Variants in ACER3 observed in about 807,000 individuals in gnomAD.
ACER3 encodes alkaline ceramidase 3.
A neutral mutation model predicts 48.9 loss-of-function variants in ACER3; 16 were observed. That is an observed-to-expected ratio of 0.33 (90% CI 0.22 to 0.50). ACER3 has a LOEUF of 0.50. Among genes scored for constraint, ACER3 ranks in the 20% least tolerant of loss-of-function variants. The probability of loss-of-function intolerance (pLI) is 0.98; values close to 1 mark genes in which losing one functional copy is unlikely to be tolerated. For missense variants in ACER3, 227 were observed against 326.0 expected, an observed-to-expected ratio of 0.70 and a Z score of 2.34; for synonymous variants, 109 against 107.8, an observed-to-expected ratio of 1.01 and a Z score of -0.07.
chr11:76,899,404 G>A (rs1362964420), intron 1 of ACER3, among the ~76,000 whole-genome samples: 1 of 152,064 alleles, frequency 6.6e-6, no homozygotes, highest in Non-Finnish European at 1.5e-5. Context: ...CATGCTTTTT[G>A]TTGTCTTCTG....
intron 2 of ACER3, among the ~76,000 whole-genome samples, chr11:76,929,168 G>A (rs1393308224): frequency 6.6e-6 from 1 of 152,014 alleles, no homozygotes; most frequent in Admixed American, 6.6e-5. Context: ...CCTTGAAGAC[G>A]TCCTTCACAT....
Position 77,016,670 on chromosome 11 carries a change from C to T in ACER3, c.600-5C>T. 1 of 1,516,218 alleles carries T rather than the reference C, an allele frequency of 6.6e-7. No homozygotes were observed. The highest frequency in any genetic ancestry group is 1.2e-5 in the South Asian group (1 of 82,716). The allele number at this position is 1,516,218 out of a possible 1,614,324, so 93.9% of individuals were successfully genotyped here. On this transcript the variant is annotated splice_polypyrimidine_tract_variant and splice_region_variant and intron_variant, in intron 8 of 10. Transcript: ENST00000532485. ...TAACGTGATTTTCTCCCTCTCTCCACACAGGAACTTTCGAAAGAAGGTACC... is the reference window on the plus strand; with the variant it reads ...TAACGTGATTTTCTCCCTCTCTCCATACAGGAACTTTCGAAAGAAGGTACC...
At chr11:76,883,478 T>A (rs968076190) in intron 1 of ACER3, among the ~76,000 whole-genome samples, 6 of 136,650 alleles carry the variant, frequency 4.4e-5, no homozygotes, top group African/African-American at 1.3e-4. Flanking sequence ...TCTCACTCTG[T>A]CGCCCAGGCT....
chr11:76,923,473 G>C (rs1946738734), intron 1 of ACER3, among the ~76,000 whole-genome samples: 1 of 152,118 alleles, frequency 6.6e-6, no homozygotes, highest in Non-Finnish European at 1.5e-5. Context: ...GTTGGTTCCA[G>C]TTGATTATTT....
At chr11:76,957,393 A>G in intron 2 of ACER3, 1 of 389,210 alleles carries the variant, frequency 2.6e-6, no homozygotes. Flanking sequence ...ATTGAAGCAC[A>G]GAATTATTGA....
intron 1 of ACER3, among the ~76,000 whole-genome samples, chr11:76,914,256 C>T (rs556718306): frequency 3.3e-4 from 50 of 152,260 alleles, no homozygotes; most frequent in African/African-American, 1.1e-3. Flanking sequence ...TCAGAGTGAA[C>T]AGGCAACCTA....
intron 3 of ACER3, among the ~76,000 whole-genome samples, 179 bp from the exon 4 acceptor site, chr11:76,976,110 C>T (rs1397486369): frequency 6.6e-6 from 1 of 152,070 alleles, no homozygotes; most frequent in Non-Finnish European, 1.5e-5. Context: ...TGATCTCAAA[C>T]ACCTAAGTTC....
intron 1 of ACER3, among the ~76,000 whole-genome samples, chr11:76,884,940 A>G (rs1171169265): frequency 1.3e-5 from 2 of 151,634 alleles, no homozygotes; most frequent in Non-Finnish European, 2.9e-5. Context: ...ATTTTTTTGT[A>G]TTTTTAGTAC....
At position 76,880,230 on chromosome 11, in the gene ACER3, G is replaced by A. The variant is rs111545347; in HGVS notation, c.103+19151G>A. ...TATTCCTTTTTTAGTTTCATGAGAC[G>A]GAAGCTTAAAACACTGATTTTAGAT... On this transcript the variant is annotated intron_variant, in intron 1 of 10. Coordinates refer to ENST00000532485, the MANE Select transcript of ACER3 (RefSeq NM_018367.7). 5.3e-4 allele frequency among the ~76,000 whole-genome samples: 81 copies of A among 151,772 alleles called. 1 individual carries two copies. The highest frequency in any genetic ancestry group is 1.9e-3 in the African/African-American group (78 of 41,288).
At chr11:76,934,627 T>C (rs1947123029) in intron 2 of ACER3, among the ~76,000 whole-genome samples, 1 of 140,392 alleles carries the variant, frequency 7.1e-6, no homozygotes, top group Non-Finnish European at 1.6e-5. Flanking sequence ...TGAGCCGAGA[T>C]GGCAGCAGTA....
intron 1 of ACER3, among the ~76,000 whole-genome samples, chr11:76,914,020 C>A (rs1946456900): frequency 6.6e-6 from 1 of 152,162 alleles, no homozygotes; most frequent in Non-Finnish European, 1.5e-5. Context: ...AACTGGATCC[C>A]TTCCTTACTC....
intron 1 of ACER3, among the ~76,000 whole-genome samples, chr11:76,924,078 A>G (rs1052175113): frequency 2.6e-5 from 4 of 152,048 alleles, no homozygotes; most frequent in African/African-American, 9.7e-5. Flanking sequence ...GAGCCTGCCA[A>G]GGTCCCGCTG....
At chr11:77,004,614 A>G (rs902946063) in intron 7 of ACER3, among the ~76,000 whole-genome samples, 1 of 152,236 alleles carries the variant, frequency 6.6e-6, no homozygotes, top group Admixed American at 6.5e-5. Context: ...ACAGACATTT[A>G]GAACTGCTGT....
At chr11:76,970,338 A>G (rs1948264836) in intron 3 of ACER3, among the ~76,000 whole-genome samples, 1 of 152,162 alleles carries the variant, frequency 6.6e-6, no homozygotes, top group Non-Finnish European at 1.5e-5. Flanking sequence ...AAATGTCATC[A>G]CTTCTCTGAT....
At chr11:76,920,318 T>C (rs1352410896) in intron 1 of ACER3, among the ~76,000 whole-genome samples, 1 of 152,184 alleles carries the variant, frequency 6.6e-6, no homozygotes, top group Non-Finnish European at 1.5e-5. Flanking sequence ...GCTGGCACCC[T>C]AGAGGGCAGA....
At chr11:76,897,547 TAAAA>T (rs36120118) in intron 1 of ACER3, among the ~76,000 whole-genome samples, 1 of 151,520 alleles carries the variant, frequency 6.6e-6, no homozygotes, top group Non-Finnish European at 1.5e-5. Flanking sequence ...TATGTAATAT[TAAAA>T]AAAAACACGT....
chr11:76,915,472 C>T (rs550883811), intron 1 of ACER3, among the ~76,000 whole-genome samples: 1 of 151,956 alleles, frequency 6.6e-6, no homozygotes, highest in East Asian at 1.9e-4. Context: ...ATTTTTGTCT[C>T]GATGTTAACA....
At chr11:77,014,663 C>A (rs1565229025) in intron 7 of ACER3, among the ~76,000 whole-genome samples, 1 of 152,140 alleles carries the variant, frequency 6.6e-6, no homozygotes, top group Non-Finnish European at 1.5e-5. Flanking sequence ...TTTCTCAGCA[C>A]CTTTTATTGG....
intron 1 of ACER3, among the ~76,000 whole-genome samples, chr11:76,869,489 C>T (rs1358704578): frequency 1.3e-5 from 2 of 152,204 alleles, no homozygotes; most frequent in Non-Finnish European, 2.9e-5. Context: ...TGGAAAAATA[C>T]ATGTAACATA....
Sources: allele counts gnomAD v4.1 joint callset (sites outside exome capture counted in the v4.1 genomes callset), GRCh38; gene constraint gnomAD v4.1.1; transcripts MANE v1.5; gene names NCBI Gene and HGNC (gene_info 2026-07-23, HGNC 2026-07-21).